KCNMA1: variants seen among roughly 807,000 people sequenced by gnomAD.
KCNMA1 encodes the protein Calcium-activated potassium channel subunit alpha-1.
Under a neutral mutation model 140.0 loss-of-function variants are expected in KCNMA1, and 29 were observed. The ratio of observed to expected loss-of-function variants is 0.21; its 90% confidence interval spans 0.15 to 0.28. KCNMA1 has a LOEUF of 0.28. Among genes scored for constraint, KCNMA1 ranks in the 10% least tolerant of loss-of-function variants. KCNMA1 has a pLI of 1.00. For synonymous variants in KCNMA1, 612 were observed against 611.9 expected (o/e 1.00, Z 0.00); for missense variants, 880 against 1,602.2 (o/e 0.55, Z 7.70).
intron 14 of KCNMA1, among the ~76,000 whole-genome samples, chr10:77,048,585 C>T (rs1398913887): frequency 1.3e-5 from 2 of 152,254 alleles, no homozygotes; most frequent in South Asian, 2.1e-4. Context: ...TGGAACTGTG[C>T]GTGGTACATA....
At chr10:77,483,002 AC>A (rs2098417857) in intron 1 of KCNMA1, among the ~76,000 whole-genome samples, 2 of 28,996 alleles carry the variant, frequency 6.9e-5, no homozygotes, top group Non-Finnish European at 1.4e-4. Flanking sequence ...ACACACACAC[AC>A]ACACACACAC....
chr10:76,887,512 A>G lies in KCNMA1; in HGVS notation c.3465T>C (p.Tyr1155=), dbSNP rs1589553612. 1.2e-6 allele frequency: 2 copies of G among 1,614,188 alleles called. No individual in the cohort carries two copies. The highest frequency in any genetic ancestry group is 1.1e-5 in the South Asian group (1 of 91,092). ...ACTCATAGGGCGGGTTGGTGATGAC[A>G]TACCTGGACAGGGAAAGCAGAGATG... is the stretch of plus-strand genomic sequence containing the variant. ...LSTPSQCTKR[Y]VITNPPYEFE... is the part of the protein sequence containing the mutation. Residue 1155 remains tyrosine (Y), a synonymous_variant, in exon 28 of 28, where the codon TAT becomes TAC. Coordinates refer to ENST00000286628, the MANE Select transcript of KCNMA1 (RefSeq NM_001161352.2).
intron 2 of KCNMA1, among the ~76,000 whole-genome samples, chr10:77,333,205 T>G (rs1261358794): frequency 6.6e-6 from 1 of 152,084 alleles, no homozygotes; most frequent in Non-Finnish European, 1.5e-5. Flanking sequence ...GAGGGCCTAT[T>G]GTCTCCTCTA....
intron 1 of KCNMA1, among the ~76,000 whole-genome samples, chr10:77,530,630 C>G (rs2057368802): frequency 6.6e-6 from 1 of 152,124 alleles, no homozygotes; most frequent in African/African-American, 2.4e-5. Flanking sequence ...TACCAATGCC[C>G]CAAACATTCC....
chr10:76,913,968 G>A (rs79389506), intron 24 of KCNMA1: 82 of 978,138 alleles, frequency 8.4e-5, no homozygotes, highest in South Asian at 5.0e-4. Flanking sequence ...TGTTACAGCC[G>A]GTGAAATAAA....
At chr10:77,024,883 G>C (rs2093252239) in intron 16 of KCNMA1, among the ~76,000 whole-genome samples, 1 of 152,062 alleles carries the variant, frequency 6.6e-6, no homozygotes. Flanking sequence ...TCTCTGTTTT[G>C]TGGATAAAAG....
At chr10:76,975,057 G>C (rs1043916562) in intron 19 of KCNMA1, among the ~76,000 whole-genome samples, 1 of 152,118 alleles carries the variant, frequency 6.6e-6, no homozygotes, top group Non-Finnish European at 1.5e-5. Flanking sequence ...AACATTAAAT[G>C]CCGTGAGTTT....
chr10:77,400,024 G>T (rs2096209586), intron 2 of KCNMA1, among the ~76,000 whole-genome samples: 1 of 152,200 alleles, frequency 6.6e-6, no homozygotes, highest in Non-Finnish European at 1.5e-5. Context: ...CGTGCATCAA[G>T]GAAAACAAAT....
At chr10:77,470,902 G>A (rs956752117) in intron 1 of KCNMA1, among the ~76,000 whole-genome samples, 1 of 152,160 alleles carries the variant, frequency 6.6e-6, no homozygotes, top group Admixed American at 6.5e-5. Flanking sequence ...GAGGCAGTGA[G>A]GAGAAAACCG....
chr10:77,217,680 T>A, intron 3 of KCNMA1: 1 of 356,486 alleles, frequency 2.8e-6, no homozygotes, highest in Non-Finnish European at 5.8e-6. Flanking sequence ...ATGCTGCAGA[T>A]GCTTTCTTGA....
intron 23 of KCNMA1, among the ~76,000 whole-genome samples, chr10:76,935,598 T>G (rs2152753434): frequency 6.6e-6 from 1 of 152,316 alleles, no homozygotes; most frequent in Admixed American, 6.5e-5. Context: ...GGAATGTGTC[T>G]GGTGTATGGC....
intron 20 of KCNMA1, among the ~76,000 whole-genome samples, chr10:76,959,250 T>C (rs1314860738): frequency 6.6e-6 from 1 of 152,168 alleles, no homozygotes; most frequent in Non-Finnish European, 1.5e-5. Flanking sequence ...GCCAGCTAAT[T>C]TGAGCAGTCT....
At chr10:77,568,078 T>G (rs895057762) in intron 1 of KCNMA1, among the ~76,000 whole-genome samples, 3 of 152,196 alleles carry the variant, frequency 2.0e-5, no homozygotes, top group African/African-American at 7.2e-5. Flanking sequence ...GAGCTGAAAT[T>G]GTGGCAATAA....
intron 2 of KCNMA1, among the ~76,000 whole-genome samples, chr10:77,306,098 G>A (rs2077638273): frequency 6.6e-6 from 1 of 152,168 alleles, no homozygotes; most frequent in Non-Finnish European, 1.5e-5. Context: ...GGAAGCTCTG[G>A]AAACCCCAAA....
chr10:77,285,175 G>A (rs1175773375), intron 2 of KCNMA1, among the ~76,000 whole-genome samples: 1 of 152,202 alleles, frequency 6.6e-6, no homozygotes, highest in Non-Finnish European at 1.5e-5. Flanking sequence ...GCATTCGACT[G>A]AGCAGAACAT....
chr10:77,078,233 C>T (rs554046032), intron 13 of KCNMA1, among the ~76,000 whole-genome samples: 1 of 152,332 alleles, frequency 6.6e-6, no homozygotes, highest in East Asian at 1.9e-4. Flanking sequence ...TCTGTACAGA[C>T]AGGACACCTG....
chr10:77,597,685 C>T (rs552913221), intron 1 of KCNMA1, among the ~76,000 whole-genome samples: 66 of 152,280 alleles, frequency 4.3e-4, no homozygotes, highest in African/African-American at 1.6e-3. Flanking sequence ...TGCCTTTATT[C>T]CTGTCACATG....
intron 9 of KCNMA1, among the ~76,000 whole-genome samples, chr10:77,106,254 G>A (rs911402036): frequency 2.6e-5 from 4 of 151,368 alleles, no homozygotes; most frequent in South Asian, 2.1e-4. Flanking sequence ...TTTCATAAAC[G>A]GAGAAGAAAA....
chr10:77,425,967 C>G (rs1402489102), intron 1 of KCNMA1, among the ~76,000 whole-genome samples: 1 of 152,148 alleles, frequency 6.6e-6, no homozygotes, highest in Admixed American at 6.5e-5. Flanking sequence ...CATCTCCAGA[C>G]CCCAGTACAA....
Sources: gnomAD v4.1 joint callset for allele counts (sites outside exome capture counted in the v4.1 genomes callset) on GRCh38, gnomAD v4.1.1 for gene constraint, MANE v1.5 for transcripts, NCBI Gene and HGNC (gene_info 2026-07-23, HGNC 2026-07-21) for gene names.